The following AHRR variants were observed in gnomAD, a reference collection of about 807,000 sequenced individuals.
AHRR encodes aryl hydrocarbon receptor repressor, also known as ahR repressor.
In AHRR, 28 loss-of-function variants were observed where a neutral mutation model predicts 44.0. The observed-to-expected ratio is 0.64, with a 90% CI of 0.47 to 0.87. The LOEUF (loss-of-function observed/expected upper bound fraction) is 0.87, where lower values mean the gene tolerates loss of function less well. Among genes scored for constraint, AHRR ranks in the 40% least tolerant of loss-of-function variants. The pLI is 0.00. For missense variants in AHRR, 990 were observed against 953.9 expected, an observed-to-expected ratio of 1.04 and a Z score of -0.50; for synonymous variants, 434 against 407.0, an observed-to-expected ratio of 1.07 and a Z score of -0.80.
Position 420,792 on chromosome 5 carries a change from C to T in AHRR, c.442-1937C>T, listed in dbSNP as rs976001707. 3.1e-4 allele frequency: 29 copies of T among 94,646 alleles called. 2 individuals are homozygous for T. The highest frequency in any genetic ancestry group is 7.5e-3 in the Middle Eastern group (2 of 268). 5.9% of individuals were successfully genotyped at this position (94,646 alleles called of 1,614,324 possible). A position where few individuals can be genotyped will look rare whatever the true frequency, so the allele number is the denominator to read the frequency against. On this transcript the variant is annotated intron_variant, in intron 5 of 10. Transcript: ENST00000684583. ...CAGAAAGAGACACCTCCGCGCTGCA[C>T]GCACGCAGCCACGCAGCCACCCACC...
Position 409,656 on chromosome 5 carries a change from GT to G in AHRR, c.352-3677del, listed in dbSNP as rs372901568. 2.1e-3 allele frequency among the ~76,000 whole-genome samples: 305 copies of G among 147,812 alleles called. 2 individuals are homozygous for G. Among genetic ancestry groups the G allele is most frequent in the Middle Eastern group, 0.018 (5 of 282 alleles). ...AACGTTTGTCCCATGGTTTAAAATTGTTTTTTTTTTTAATTGTTGATTTGTA... is the reference window on the plus strand; with the variant it reads ...AACGTTTGTCCCATGGTTTAAAATTGTTTTTTTTTTAATTGTTGATTTGTA... On this transcript the variant is annotated intron_variant, in intron 4 of 10. Coordinates refer to ENST00000684583, the MANE Select transcript of AHRR (RefSeq NM_001377236.1).
intron 4 of AHRR, among the ~76,000 whole-genome samples, chr5:412,288 G>C (rs1735498040): frequency 6.6e-6 from 1 of 152,088 alleles, no homozygotes. Flanking sequence ...TTGCACACAC[G>C]AACAATAAAT....
intron 3 of AHRR, among the ~76,000 whole-genome samples, chr5:373,872 C>T (rs1405013697): frequency 6.6e-6 from 1 of 150,748 alleles, no homozygotes; most frequent in Admixed American, 6.6e-5. Flanking sequence ...GCGCTGCTCG[C>T]ACGCGAGGCC....
chr5:428,928 G>A (rs1054687591), intron 8 of AHRR, among the ~76,000 whole-genome samples: 5 of 152,200 alleles, frequency 3.3e-5, no homozygotes, highest in South Asian at 4.1e-4. Flanking sequence ...GAGCTCTGGC[G>A]GTCACGCGAG....
At chr5:377,079 CAA>C (rs1560898637) in intron 4 of AHRR, among the ~76,000 whole-genome samples, 1 of 152,138 alleles carries the variant, frequency 6.6e-6, no homozygotes, top group East Asian at 1.9e-4. Flanking sequence ...AAGGATTTGG[CAA>C]AGTCTACACT....
intron 4 of AHRR, among the ~76,000 whole-genome samples, chr5:381,775 A>G (rs1439169375): frequency 6.6e-6 from 1 of 151,980 alleles, no homozygotes; most frequent in Admixed American, 6.6e-5. Flanking sequence ...TGGCCTCCCA[A>G]AGTGCTGGGA....
At position 395,799 on chromosome 5, in the gene AHRR, C is replaced by T. The variant is rs561999239; in HGVS notation, c.352-17545C>T. On this transcript the variant is annotated intron_variant, in intron 4 of 10. Coordinates refer to ENST00000684583, the MANE Select transcript of AHRR (RefSeq NM_001377236.1). The surrounding 1 kb of genome is among the most constrained non-coding windows in gnomAD (Gnocchi z 5.3). ...CTAGAAGCCCTCCCAGCTGGGGCTG[C>T]GCACACGTTCCTGTGAGGGACCCTT... 4.6e-5 allele frequency among the ~76,000 whole-genome samples: 7 copies of T among 152,298 alleles called. No homozygotes were observed. Among genetic ancestry groups the T allele is most frequent in the Admixed American group, 2.6e-4 (4 of 15,306 alleles).
chr5:403,851 A>C, intron 4 of AHRR: 3 of 1,576,422 alleles, frequency 1.9e-6, no homozygotes, highest in Non-Finnish European at 1.7e-6. Context: ...AAGGACAAAG[A>C]ACCCACATTA....
intron 4 of AHRR, among the ~76,000 whole-genome samples, chr5:389,713 A>T (rs1179971854): frequency 9.2e-5 from 14 of 151,912 alleles, no homozygotes; most frequent in Admixed American, 9.2e-4. Flanking sequence ...AGAAAGGACC[A>T]GGGCGCAGAT....
At chr5:399,221 G>A (rs967267654) in intron 4 of AHRR, among the ~76,000 whole-genome samples, 1 of 152,340 alleles carries the variant, frequency 6.6e-6, no homozygotes, top group East Asian at 1.9e-4. Context: ...CACACCCAGG[G>A]CGTGGGGTCC....
intron 3 of AHRR, among the ~76,000 whole-genome samples, chr5:354,447 C>T (rs1185978809): frequency 1.3e-5 from 2 of 152,202 alleles, no homozygotes; most frequent in Non-Finnish European, 2.9e-5. Context: ...GCTGGGGCTG[C>T]CCTCTCGTGG....
At chr5:361,961 A>G (rs567071964) in intron 3 of AHRR, among the ~76,000 whole-genome samples, 4 of 152,354 alleles carry the variant, frequency 2.6e-5, no homozygotes, top group South Asian at 4.1e-4. Flanking sequence ...ATGTGAGGAC[A>G]TAAATTTTGG....
chr5:368,060 G>C, intron 3 of AHRR: 1 of 619,494 alleles, frequency 1.6e-6, no homozygotes, highest in Non-Finnish European at 2.9e-6. Context: ...GTAAATTCAT[G>C]GTTACATAAC....
At chr5:391,162 A>G (rs1418828539) in intron 4 of AHRR, among the ~76,000 whole-genome samples, 1 of 152,224 alleles carries the variant, frequency 6.6e-6, no homozygotes, top group Non-Finnish European at 1.5e-5. Flanking sequence ...AGTACCTGGG[A>G]AAACTAAGTC....
chr5:433,921 C>G lies in AHRR; in HGVS notation c.1181C>G (p.Pro394Arg). 2.0e-6 allele frequency: 3 copies of G among 1,535,724 alleles called. No individual in the cohort carries two copies. The African/African-American group carries it at 4.1e-5, about 21-fold the overall frequency. Residue 394 changes from proline (P) to arginine (R), a missense_variant, in exon 11 of 11, where the codon CCA (proline) becomes CGA (arginine). Coordinates refer to ENST00000684583, the MANE Select transcript of AHRR (RefSeq NM_001377236.1). ...ASGVTGRRET[P>R]GPTKPLPWTA... Reference sequence around the variant, plus strand: ...GGAGTGACAGGGCGGAGGGAGACTCCAGGACCCACAAAGCCCCTGCCCTGG... The same window carrying G: ...GGAGTGACAGGGCGGAGGGAGACTCGAGGACCCACAAAGCCCCTGCCCTGG...
At chr5:429,703 C>A (rs72717414) in intron 8 of AHRR, among the ~76,000 whole-genome samples, 2 of 152,170 alleles carry the variant, frequency 1.3e-5, no homozygotes, top group Non-Finnish European at 2.9e-5. Context: ...GTAGCAAATA[C>A]TGAGTGGGAA....
rs962839402 is a variant in AHRR at position 390,615 on chromosome 5, C to G, written c.351+13899C>G. Reference sequence around the variant, plus strand: ...AAAATGAGCAGAGCCTGAGAGACGCCGGGGGTCAGAGCTCCAGGAAGATCG... The same window carrying G: ...AAAATGAGCAGAGCCTGAGAGACGCGGGGGGTCAGAGCTCCAGGAAGATCG... On this transcript the variant is annotated intron_variant, in intron 4 of 10. Transcript: ENST00000684583. Among the ~76,000 whole-genome samples, 4 of 152,158 alleles carry G rather than the reference C, an allele frequency of 2.6e-5. 1 individual carries two copies. Among genetic ancestry groups the G allele is most frequent in the African/African-American group, 9.6e-5 (4 of 41,502 alleles).
rs1579716611 is a variant in AHRR, at chr5:432,851, C to T, written c.1016C>T (p.Thr339Ile). The change falls in exon 10 of 11, where the codon ACT becomes ATT. Residue 339 changes from threonine (T) to isoleucine (I), a missense_variant. Physicochemically the swap from Thr to Ile is moderately conservative, Grantham distance 89 (BLOSUM62 -1). Transcript: ENST00000684583. ...ESGVLVLREQ[T>I]DAGRWAQVPA... is the part of the protein sequence containing the mutation. ...GGCGTTTTGGTGCTCAGGGAACAGA[C>T]TGACGCTGGCCGATGGGCACAGGTT... is the stretch of plus-strand genomic sequence containing the variant. 6.2e-7 allele frequency: 1 copy of T among 1,613,816 alleles called. No homozygotes were observed. The highest frequency in any genetic ancestry group is 8.5e-7 in the Non-Finnish European group (1 of 1,180,030).
At chr5:349,022 G>A (rs1431406035) in intron 2 of AHRR, among the ~76,000 whole-genome samples, 1 of 152,158 alleles carries the variant, frequency 6.6e-6, no homozygotes, top group African/African-American at 2.4e-5. Flanking sequence ...ATGGGTTGGT[G>A]GTATCTCATC....
Sources: gnomAD v4.1 joint callset for allele counts (sites outside exome capture counted in the v4.1 genomes callset) on GRCh38, gnomAD v4.1.1 for gene constraint, Gnocchi (gnomAD v3.1) non-coding constraint, MANE v1.5 for transcripts, NCBI Gene and HGNC (gene_info 2026-07-23, HGNC 2026-07-21) for gene names.